Variants in XRCC5 observed in about 807,000 individuals in gnomAD.
The protein encoded by XRCC5 is X-ray repair cross complementing 5.
Under a neutral mutation model 95.7 loss-of-function variants are expected in XRCC5, and 12 were observed. That is an observed-to-expected ratio of 0.13 (90% confidence interval 0.08 to 0.20). The LOEUF (loss-of-function observed/expected upper bound fraction) is 0.20, where lower values mean the gene tolerates loss of function less well. Ranked by LOEUF, XRCC5 falls within the 10% of genes least tolerant of loss-of-function variation. The probability of loss-of-function intolerance (pLI) is 1.00; values close to 1 mark genes in which losing one functional copy is unlikely to be tolerated. For synonymous variants in XRCC5, 281 were observed against 290.3 expected, an observed-to-expected ratio of 0.97 and a Z score of 0.33; for missense variants, 595 against 873.9, an observed-to-expected ratio of 0.68 and a Z score of 4.02.
At chr2:216,127,439 G>A in intron 7 of XRCC5, 97 bp from the exon 8 acceptor site, 1 of 1,373,818 alleles carries the variant, frequency 7.3e-7, no homozygotes, top group South Asian at 1.7e-5. Context: ...TAATTGTTCT[G>A]GATTTTTGTC....
intron 11 of XRCC5, 140 bp from the exon 12 acceptor site, chr2:216,137,949 T>A: frequency 1.5e-6 from 1 of 660,282 alleles, no homozygotes; most frequent in Non-Finnish European, 2.6e-6. Flanking sequence ...GTCAAAACAC[T>A]TCACTTTTCA....
intron 16 of XRCC5, among the ~76,000 whole-genome samples, chr2:216,180,851 T>C (rs1266393792): frequency 6.6e-6 from 1 of 151,184 alleles, no homozygotes; most frequent in Non-Finnish European, 1.5e-5. Context: ...TCGCTGTCGT[T>C]GCCCGGGCTG....
At chr2:216,187,842 C>T (rs1163897841) in intron 16 of XRCC5, among the ~76,000 whole-genome samples, 4 of 136,556 alleles carry the variant, frequency 2.9e-5, no homozygotes, top group South Asian at 2.4e-4. Flanking sequence ...CTCTCTCTCT[C>T]TCTCTCTCTC....
chr2:216,145,894 G>C (rs1181086650), intron 13 of XRCC5, among the ~76,000 whole-genome samples: 1 of 152,206 alleles, frequency 6.6e-6, no homozygotes. Context: ...ATGAGAGGTA[G>C]TCTGCTATGT....
At chr2:216,166,196 C>T (rs1402549717) in intron 16 of XRCC5, among the ~76,000 whole-genome samples, 1 of 152,144 alleles carries the variant, frequency 6.6e-6, no homozygotes, top group Non-Finnish European at 1.5e-5. Context: ...TCACAGCTCA[C>T]TGCAGCCTCT....
At chr2:216,200,350 A>C (rs1471252968) in intron 19 of XRCC5, among the ~76,000 whole-genome samples, 1 of 152,186 alleles carries the variant, frequency 6.6e-6, no homozygotes, top group Non-Finnish European at 1.5e-5. Flanking sequence ...CAGTTTTGTC[A>C]AACTGCTGGC....
At position 216,116,733 on chromosome 2, in the gene XRCC5, T is replaced by G. The variant is rs368332971; in HGVS notation, c.210T>G (p.Gly70=). 5.6e-6 allele frequency: 9 copies of G among 1,614,074 alleles called. No homozygotes were observed. The African/African-American group carries it at 1.1e-4, about 19-fold the overall frequency. ...ATGGCACTGACAATCCCCTTTCTGG[T>G]GGGGATCAGTATCAGAACATCACAG... The part of the protein sequence containing the change: ...GTDGTDNPLS[G]GDQYQNITVH... Residue 70 remains glycine, a synonymous_variant, in exon 3 of 21, where the codon GGT becomes GGG. Coordinates refer to ENST00000392132, the MANE Select transcript of XRCC5 (RefSeq NM_021141.4).
chr2:216,139,485 C>T lies in XRCC5; in HGVS notation c.1342+1306C>T, dbSNP rs544729048. 1.5e-4 allele frequency among the ~76,000 whole-genome samples: 23 copies of T among 152,214 alleles called. No homozygotes were observed. The South Asian group carries it at 4.2e-3, about 27-fold the overall frequency. ...CTTATTCACTATCATGAGAATAGCA[C>T]AAGAAAGACCAGCCCCTCTGATTCA... On this transcript the variant is annotated intron_variant, in intron 12 of 20. Transcript: ENST00000392132.
At chr2:216,121,872 TC>T (rs1696818937) in intron 5 of XRCC5, among the ~76,000 whole-genome samples, 189 bp from the exon 6 acceptor site, 1 of 152,210 alleles carries the variant, frequency 6.6e-6, no homozygotes, top group East Asian at 1.9e-4. Flanking sequence ...CCAGTGATTT[TC>T]CCCTTTTACA....
chr2:216,144,505 G>C (rs1688583243), intron 13 of XRCC5, among the ~76,000 whole-genome samples: 1 of 152,216 alleles, frequency 6.6e-6, no homozygotes, highest in African/African-American at 2.4e-5. Flanking sequence ...CATTTAGAAG[G>C]TATAGATAGA....
intron 16 of XRCC5, among the ~76,000 whole-genome samples, 171 bp downstream of exon 16, chr2:216,162,219 A>G (rs1182149647): frequency 6.6e-6 from 1 of 152,346 alleles, no homozygotes; most frequent in East Asian, 1.9e-4. Flanking sequence ...TTATGAGCAC[A>G]TGAAAGTGAA....
chr2:216,169,613 G>T (rs1689117010), intron 16 of XRCC5, among the ~76,000 whole-genome samples: 1 of 152,146 alleles, frequency 6.6e-6, no homozygotes, highest in African/African-American at 2.4e-5. Flanking sequence ...TATTCTTTAA[G>T]TTTAAGGGGT....
intron 16 of XRCC5, chr2:216,174,927 A>C (rs1478686690): frequency 2.8e-6 from 1 of 352,276 alleles, no homozygotes. Flanking sequence ...CGTCACGTCT[A>C]CCGCCAGATC....
At chr2:216,140,609 C>T (rs1200942803) in intron 12 of XRCC5, among the ~76,000 whole-genome samples, 2 of 152,048 alleles carry the variant, frequency 1.3e-5, no homozygotes, top group Non-Finnish European at 2.9e-5. Flanking sequence ...AAGACATGTA[C>T]GCAGGTGTGA....
At chr2:216,125,105 T>G (rs2106005747) in intron 6 of XRCC5, among the ~76,000 whole-genome samples, 1 of 152,326 alleles carries the variant, frequency 6.6e-6, no homozygotes, top group Non-Finnish European at 1.5e-5. Flanking sequence ...AGAATTGGAA[T>G]TAATGAATTA....
At chr2:216,189,159 C>T (rs1559261865) in intron 16 of XRCC5, among the ~76,000 whole-genome samples, 1 of 152,180 alleles carries the variant, frequency 6.6e-6, no homozygotes, top group Admixed American at 6.5e-5. Flanking sequence ...TGGCCTGGGG[C>T]CTTTATTGGT....
At chr2:216,195,746 C>A (rs927829938) in intron 19 of XRCC5, among the ~76,000 whole-genome samples, 1 of 152,144 alleles carries the variant, frequency 6.6e-6, no homozygotes, top group African/African-American at 2.4e-5. Flanking sequence ...CTTCATTGTA[C>A]CTCAAGGTTG....
At position 216,168,908 on chromosome 2, in the gene XRCC5, GTC is replaced by G. The variant is rs367668642; in HGVS notation, c.1834+6864_1834+6865del. On this transcript the variant is annotated intron_variant, in intron 16 of 20. Transcript: ENST00000392132. Reference sequence around the variant, plus strand: ...AGATCACATAGGAATTCAAACGCATGTCTCTTTCAAATACTGGATTTTTTACT... The same window carrying G: ...AGATCACATAGGAATTCAAACGCATGTCTTTCAAATACTGGATTTTTTACT... Among the ~76,000 whole-genome samples the G allele has an allele frequency of 1.5e-4, 23 of 152,356 alleles. No homozygotes were observed. In the East Asian group the frequency reaches 4.4e-3, roughly 29 times the overall value.
intron 1 of XRCC5, among the ~76,000 whole-genome samples, chr2:216,110,122 G>C (rs957383930): frequency 1.3e-5 from 2 of 152,168 alleles, no homozygotes; most frequent in Admixed American, 1.3e-4. Flanking sequence ...GGCTTTTCCT[G>C]GTGAAATCCG....
Sources: allele counts gnomAD v4.1 joint callset (sites outside exome capture counted in the v4.1 genomes callset), GRCh38; gene constraint gnomAD v4.1.1; transcripts MANE v1.5; gene names NCBI Gene and HGNC (gene_info 2026-07-23, HGNC 2026-07-21).